Variants in SLC30A7 observed in about 807,000 individuals in gnomAD.
The protein encoded by SLC30A7 is solute carrier family 30 member 7, also known as zinc transporter 7.
A neutral mutation model predicts 46.0 loss-of-function variants in SLC30A7; 35 were observed. That is an observed-to-expected ratio of 0.76 (90% CI 0.58 to 1.01). The LOEUF (loss-of-function observed/expected upper bound fraction) is 1.01. SLC30A7 is among the 50% of genes least tolerant of loss of function. The pLI is 0.00. For synonymous variants in SLC30A7, 147 were observed against 157.8 expected (o/e 0.93, Z 0.51); for missense variants, 464 against 451.1 (o/e 1.03, Z -0.26).
intron 10 of SLC30A7, among the ~76,000 whole-genome samples, chr1:100,973,325 T>C (rs1174353833): frequency 1.3e-5 from 2 of 152,166 alleles, no homozygotes; most frequent in Non-Finnish European, 2.9e-5. Flanking sequence ...TATTAAATAT[T>C]CCAATTTACC....
In SLC30A7 at chr1:100,921,659, A is replaced by G. The variant is rs957427473; in HGVS notation, c.707-47A>G. On this transcript the variant is annotated intron_variant, in intron 7 of 10. Coordinates refer to ENST00000357650, the MANE Select transcript of SLC30A7 (RefSeq NM_133496.5). The stretch of plus-strand genomic sequence containing the variant: ...TAGCTCTAGGATATATTCGTATTTT[A>G]AATTAACCAAAAGACTGTTTTGATT... 3.3e-6 allele frequency: 5 copies of G among 1,505,540 alleles called. No homozygotes were observed. In the African/African-American group the frequency reaches 4.2e-5, roughly 13 times the overall value. The allele number at this position is 1,505,540 out of a possible 1,614,324, so 93.3% of individuals were successfully genotyped here.
chr1:100,971,148 A>G (rs1461217213), intron 10 of SLC30A7, among the ~76,000 whole-genome samples: 1 of 152,152 alleles, frequency 6.6e-6, no homozygotes, highest in Admixed American at 6.5e-5. Context: ...CCTCCTCACA[A>G]GCCCAAGTAA....
intron 8 of SLC30A7, among the ~76,000 whole-genome samples, chr1:100,949,843 T>C (rs1382746787): frequency 1.3e-5 from 2 of 152,228 alleles, no homozygotes; most frequent in African/African-American, 4.8e-5. Flanking sequence ...AATCTCCTGG[T>C]CTGCCGGTTG....
chr1:100,963,372 G>A (rs909689470), intron 9 of SLC30A7, among the ~76,000 whole-genome samples: 2 of 152,138 alleles, frequency 1.3e-5, no homozygotes, highest in Non-Finnish European at 2.9e-5. Flanking sequence ...GAATATTTCT[G>A]TGGGGTCAAG....
intron 10 of SLC30A7, among the ~76,000 whole-genome samples, chr1:100,967,495 C>T (rs1180338837): frequency 6.6e-6 from 1 of 151,884 alleles, no homozygotes. Flanking sequence ...GGTTAGGGAC[C>T]CCTGATCTAA....
At chr1:100,919,214 AT>A (rs1056826793) in intron 7 of SLC30A7, among the ~76,000 whole-genome samples, 74 of 151,644 alleles carry the variant, frequency 4.9e-4, no homozygotes, top group African/African-American at 1.6e-3. Context: ...AATTATAGTA[AT>A]TTTTTTTTGT....
chr1:100,968,519 G>T (rs771171334), intron 10 of SLC30A7, among the ~76,000 whole-genome samples: 1 of 152,026 alleles, frequency 6.6e-6, no homozygotes, highest in African/African-American at 2.4e-5. Context: ...AAACCTTGGT[G>T]GCGCCTCATT....
intron 4 of SLC30A7, 126 bp from the exon 5 acceptor site, chr1:100,911,986 G>A: frequency 2.5e-6 from 2 of 786,264 alleles, no homozygotes; most frequent in Non-Finnish European, 4.1e-6. Flanking sequence ...AACTGTTTTG[G>A]GAGATTTTTT....
intron 7 of SLC30A7, 50 bp downstream of exon 7, chr1:100,918,177 A>G (rs758404431): frequency 5.5e-6 from 8 of 1,464,278 alleles, no homozygotes; most frequent in Non-Finnish European, 7.6e-6. Flanking sequence ...CTGCTTTTAT[A>G]GTTTTGAAGT....
intron 3 of SLC30A7, among the ~76,000 whole-genome samples, chr1:100,910,759 C>T (rs998265706): frequency 2.0e-5 from 3 of 152,068 alleles, no homozygotes; most frequent in Non-Finnish European, 4.4e-5. Context: ...TTTCCTTCTC[C>T]ACTAGCAACT....
At chr1:100,995,420 T>C in the SLC30A7 span, 37,495 of 345,742 alleles carry the variant, frequency 0.11, 2,254 homozygotes, top group Middle Eastern at 0.15. Context: ...TAGATAAACA[T>C]TGGCATATAC....
At chr1:100,928,787 G>A (rs1653481038) in intron 8 of SLC30A7, among the ~76,000 whole-genome samples, 1 of 152,016 alleles carries the variant, frequency 6.6e-6, no homozygotes, top group Non-Finnish European at 1.5e-5. Context: ...ACTGTTAGCA[G>A]TATTTCTTTA....
rs1356586795 is a variant in SLC30A7, at chr1:100,976,491, G to T, written c.*1634G>T. On this transcript the variant is annotated 3_prime_UTR_variant, in exon 11 of 11. Coordinates refer to ENST00000357650, the MANE Select transcript of SLC30A7 (RefSeq NM_133496.5). Reference sequence around the variant, plus strand: ...TTTGAAAAATAAAATTGCAATTCGAGATAAGTGCTTGAGCACTCTACTTAA... The same window carrying T: ...TTTGAAAAATAAAATTGCAATTCGATATAAGTGCTTGAGCACTCTACTTAA... 1 of 152,186 alleles carries T rather than the reference G, an allele frequency of 6.6e-6. No homozygotes were observed. The highest frequency in any genetic ancestry group is 1.5e-5 in the Non-Finnish European group (1 of 68,042). The allele number at this position is 152,186 out of a possible 1,614,324, so 9.4% of individuals were successfully genotyped here. A position where few individuals can be genotyped will look rare whatever the true frequency, so the allele number is the denominator to read the frequency against.
At chr1:100,972,150 A>C (rs947167789) in intron 10 of SLC30A7, 7 of 185,746 alleles carry the variant, frequency 3.8e-5, no homozygotes, top group Admixed American at 6.4e-5. Context: ...GGATCTGAGT[A>C]GTGTTTTCAT....
chr1:100,906,524 T>TG (rs1651681045), intron 2 of SLC30A7, among the ~76,000 whole-genome samples: 1 of 152,034 alleles, frequency 6.6e-6, no homozygotes, highest in African/African-American at 2.4e-5. Flanking sequence ...CAGTAGTAGA[T>TG]GGCTTTTTTT....
At chr1:100,966,799 T>A (rs1202416082) in intron 10 of SLC30A7, among the ~76,000 whole-genome samples, 2 of 152,232 alleles carry the variant, frequency 1.3e-5, no homozygotes, top group African/African-American at 4.8e-5. Flanking sequence ...CCAAGAATTC[T>A]AAAACAGTGT....
intron 8 of SLC30A7, among the ~76,000 whole-genome samples, chr1:100,951,661 C>G (rs1214938088): frequency 2.0e-5 from 3 of 152,288 alleles, no homozygotes; most frequent in African/African-American, 7.2e-5. Context: ...GCAATCCTCT[C>G]CATGTTGTGA....
chr1:100,978,071 A>T lies in SLC30A7; in HGVS notation c.*3214A>T, dbSNP rs1443631796. 1.3e-5 allele frequency: 2 copies of T among 152,308 alleles called. No individual in the cohort carries two copies. The highest frequency in any genetic ancestry group is 4.8e-5 in the African/African-American group (2 of 41,560). 9.4% of individuals were successfully genotyped at this position (152,308 alleles called of 1,614,324 possible). On this transcript the variant is annotated 3_prime_UTR_variant, in exon 11 of 11. Coordinates refer to ENST00000357650, the MANE Select transcript of SLC30A7 (RefSeq NM_133496.5). ...GCTCAGCCACTAGCTTTGGTTTTTT[A>T]AACATAGATTATATTCCTCAAGATG...
Position 100,979,874 on chromosome 1 carries a change from C to T in SLC30A7, c.*5017C>T, listed in dbSNP as rs1297051731. On this transcript the variant is annotated 3_prime_UTR_variant, in exon 11 of 11. Transcript: ENST00000357650. ...GCTTTGTGTATGTAATTCAGCAGTGCTTCAAAGATCCAAGAAGCTGTAGCA... is the reference window on the plus strand; with the variant it reads ...GCTTTGTGTATGTAATTCAGCAGTGTTTCAAAGATCCAAGAAGCTGTAGCA... The T allele has an allele frequency of 6.6e-6, 1 of 152,056 alleles. No homozygotes were observed. Among genetic ancestry groups the T allele is most frequent in the Non-Finnish European group, 1.5e-5 (1 of 67,970 alleles). 9.4% of individuals were successfully genotyped at this position (152,056 alleles called of 1,614,324 possible).
Sources: allele counts gnomAD v4.1 joint callset (sites outside exome capture counted in the v4.1 genomes callset), GRCh38; gene constraint gnomAD v4.1.1; transcripts MANE v1.5; gene names NCBI Gene and HGNC (gene_info 2026-07-23, HGNC 2026-07-21).